Variants in ZNF469 observed in about 807,000 individuals in gnomAD.
ZNF469 encodes the protein zinc finger protein 469.
In ZNF469, 1 loss-of-function variant was observed where a neutral mutation model predicts 1.0. The ratio of observed to expected loss-of-function variants is 1.00; its 90% CI spans 0.35 to 4.73. The LOEUF (loss-of-function observed/expected upper bound fraction) is 4.73, where lower values mean the gene tolerates loss of function less well. Ranked by LOEUF, ZNF469 falls within the 30% of genes most tolerant of loss-of-function variation. The pLI is 0.16. For missense variants in ZNF469, 6,100 were observed against 5,356.3 expected, an observed-to-expected ratio of 1.14 and a Z score of -4.33; for synonymous variants, 2,703 against 2,363.4, an observed-to-expected ratio of 1.14 and a Z score of -4.17.
At chr16:88,401,911 G>T in intron 1 of ZNF469, among the ~76,000 whole-genome samples, 1 of 134,274 alleles carries the variant, frequency 7.4e-6, no homozygotes, top group Non-Finnish European at 1.6e-5. Flanking sequence ...TGGATGGAGG[G>T]ATGGATGGAT....
the ZNF469 span, among the ~76,000 whole-genome samples, chr16:88,333,840 G>C: frequency 6.6e-6 from 1 of 151,624 alleles, no homozygotes; most frequent in Non-Finnish European, 1.5e-5. Flanking sequence ...GGCAGGGGGT[G>C]GGGGGGACGT....
chr16:88,273,048 G>A, the ZNF469 span, among the ~76,000 whole-genome samples: 58,272 of 142,342 alleles, frequency 0.41, 12,569 homozygotes, highest in African/African-American at 0.51. Context: ...GTGGATAGAC[G>A]AGTGGATAGA....
the ZNF469 span, among the ~76,000 whole-genome samples, chr16:88,265,992 C>T: frequency 1.1e-3 from 165 of 152,374 alleles, no homozygotes; most frequent in East Asian, 0.021. Flanking sequence ...CCTGAGTGCC[C>T]GGCCAGCTCC....
chr16:88,104,724 G>C, the ZNF469 span, among the ~76,000 whole-genome samples: 1 of 152,242 alleles, frequency 6.6e-6, no homozygotes, highest in Non-Finnish European at 1.5e-5. Flanking sequence ...ATTGGCTCCA[G>C]CCAGTGTGGA....
chr16:88,204,818 C>T, the ZNF469 span, among the ~76,000 whole-genome samples: 1 of 152,194 alleles, frequency 6.6e-6, no homozygotes, highest in Non-Finnish European at 1.5e-5. Flanking sequence ...TGCAGCTTTT[C>T]ACTGTCACTC....
the ZNF469 span, among the ~76,000 whole-genome samples, chr16:88,269,019 T>C: frequency 2.6e-5 from 4 of 152,166 alleles, no homozygotes; most frequent in African/African-American, 9.7e-5. Context: ...GTATTTCAGT[T>C]GACCTAGGAG....
rs1422792653 is a variant in ZNF469 at position 88,430,240 on chromosome 16, C to T, written c.2770C>T (p.Pro924Ser). Residue 924 changes from proline (P) to serine (S), a missense_variant, in exon 3 of 3, where the codon CCC becomes TCC. Transcript: ENST00000565624. ...GDRGCPARGR[P>S]KTRSLGLAPT... ...CAGGGGCTGCCCAGCCCGAGGCAGGCCCAAAACGCGTTCCCTGGGTCTGGC... is the reference window on the plus strand; with the variant it reads ...CAGGGGCTGCCCAGCCCGAGGCAGGTCCAAAACGCGTTCCCTGGGTCTGGC... 1 of 1,530,264 alleles carries T rather than the reference C, an allele frequency of 6.5e-7. No homozygotes were observed. Among genetic ancestry groups the T allele is most frequent in the South Asian group, 1.2e-5 (1 of 82,652 alleles). The allele number at this position is 1,530,264 out of a possible 1,614,324, so 94.8% of individuals were successfully genotyped here.
At chr16:88,224,847 G>A in the ZNF469 span, among the ~76,000 whole-genome samples, 6 of 152,292 alleles carry the variant, frequency 3.9e-5, no homozygotes, top group South Asian at 6.2e-4. Flanking sequence ...TCTGTGAAGC[G>A]CCCAGTGGGT....
chr16:88,153,600 G>T, the ZNF469 span, among the ~76,000 whole-genome samples: 22 of 152,344 alleles, frequency 1.4e-4, no homozygotes, highest in African/African-American at 4.3e-4. Context: ...CCCTCAGCAG[G>T]GTCGCTGACT....
the ZNF469 span, among the ~76,000 whole-genome samples, chr16:88,220,629 T>A: frequency 6.6e-6 from 1 of 152,132 alleles, no homozygotes; most frequent in African/African-American, 2.4e-5. Flanking sequence ...ATCACAGTTA[T>A]GGTCCCATTT....
chr16:88,262,171 C>G, the ZNF469 span, among the ~76,000 whole-genome samples: 2 of 152,288 alleles, frequency 1.3e-5, no homozygotes, highest in Middle Eastern at 3.4e-3. This position sits in a 1 kb window ranked among gnomAD's most constrained non-coding sequence, Gnocchi z 4.3. Flanking sequence ...GAATTGCATT[C>G]TTGGGATTGG....
At chr16:88,104,709 G>A in the ZNF469 span, among the ~76,000 whole-genome samples, 1 of 152,232 alleles carries the variant, frequency 6.6e-6, no homozygotes, top group Admixed American at 6.5e-5. Flanking sequence ...AGAAACTTCA[G>A]CTTCATTGGC....
intron 1 of ZNF469, among the ~76,000 whole-genome samples, chr16:88,413,282 A>G (rs1461905005): frequency 2.0e-5 from 3 of 152,206 alleles, no homozygotes; most frequent in Non-Finnish European, 1.5e-5. Context: ...CGGCCTGGGC[A>G]GTGACACTCC....
At chr16:88,138,062 CAG>C in the ZNF469 span, among the ~76,000 whole-genome samples, 2 of 152,196 alleles carry the variant, frequency 1.3e-5, no homozygotes, top group Non-Finnish European at 2.9e-5. Context: ...CCATCTCACT[CAG>C]TGTCTGTGAC....
At chr16:88,206,530 C>T in the ZNF469 span, among the ~76,000 whole-genome samples, 2 of 152,104 alleles carry the variant, frequency 1.3e-5, no homozygotes, top group African/African-American at 4.8e-5. Context: ...TGTTCAAAGG[C>T]TGCCGATTAC....
chr16:88,116,767 A>G, the ZNF469 span, among the ~76,000 whole-genome samples: 2 of 152,212 alleles, frequency 1.3e-5, no homozygotes, highest in African/African-American at 4.8e-5. Flanking sequence ...AACTGGCGTC[A>G]TCAAACCAGA....
the ZNF469 span, among the ~76,000 whole-genome samples, chr16:88,270,460 G>C: frequency 1.4e-4 from 21 of 152,220 alleles, no homozygotes; most frequent in Non-Finnish European, 2.5e-4. Context: ...ACAGCCAGAG[G>C]CTCAGGACAA....
At chr16:88,426,923 C>G (rs1379663701) in intron 2 of ZNF469, among the ~76,000 whole-genome samples, 1 of 152,150 alleles carries the variant, frequency 6.6e-6, no homozygotes, top group African/African-American at 2.4e-5. Context: ...CTGGGCCCTC[C>G]TGGACGCTGC....
At chr16:88,188,583 T>C in the ZNF469 span, among the ~76,000 whole-genome samples, 1 of 152,182 alleles carries the variant, frequency 6.6e-6, no homozygotes, top group African/African-American at 2.4e-5. Context: ...CTGTTCAACC[T>C]GGGTCCCCAG....
Sources: allele counts gnomAD v4.1 joint callset (sites outside exome capture counted in the v4.1 genomes callset), GRCh38; gene constraint gnomAD v4.1.1; non-coding constraint Gnocchi (gnomAD v3.1); transcripts MANE v1.5; gene names NCBI Gene and HGNC (gene_info 2026-07-23, HGNC 2026-07-21).